FRMD4B: variants seen among roughly 807,000 people sequenced by gnomAD.
FRMD4B encodes FERM domain-containing protein 4B.
Under a neutral mutation model 141.5 loss-of-function variants are expected in FRMD4B, and 74 were observed. The ratio of observed to expected loss-of-function variants is 0.52; its 90% CI spans 0.43 to 0.63. FRMD4B has a LOEUF of 0.63. Ranked by LOEUF, FRMD4B falls within the 30% of genes least tolerant of loss-of-function variation. The pLI is 0.00. For missense variants in FRMD4B, 1,366 were observed against 1,253.4 expected, an observed-to-expected ratio of 1.09 and a Z score of -1.36; for synonymous variants, 506 against 467.9, an observed-to-expected ratio of 1.08 and a Z score of -1.05.
At chr3:69,499,171 G>C (rs968114378) in intron 1 of FRMD4B, among the ~76,000 whole-genome samples, 1 of 152,154 alleles carries the variant, frequency 6.6e-6, no homozygotes, top group Admixed American at 6.5e-5. Flanking sequence ...ACAGAAAACT[G>C]GTGTGGTGAG....
chr3:69,406,911 A>AT (rs67956877), intron 2 of FRMD4B, among the ~76,000 whole-genome samples: 109,080 of 135,152 alleles, frequency 0.81, 44,846 homozygotes, highest in South Asian at 0.93. Context: ...TTTAATTTTA[A>AT]TTTTTTTTTT....
chr3:69,439,441 G>C (rs1387061226), intron 1 of FRMD4B, among the ~76,000 whole-genome samples: 2 of 152,154 alleles, frequency 1.3e-5, no homozygotes, highest in Non-Finnish European at 2.9e-5. Context: ...AATCTCACCT[G>C]GGGTGGTCCA....
chr3:69,417,892 T>C (rs1704897011), intron 2 of FRMD4B, among the ~76,000 whole-genome samples: 1 of 152,190 alleles, frequency 6.6e-6, no homozygotes, highest in African/African-American at 2.4e-5. Flanking sequence ...TGGCTGCCAG[T>C]ATTGCTTGAC....
intron 7 of FRMD4B, among the ~76,000 whole-genome samples, chr3:69,228,007 GAAGA>G (rs2093270598): frequency 6.6e-6 from 1 of 152,334 alleles, no homozygotes; most frequent in East Asian, 1.9e-4. Context: ...TAAGAAAAAC[GAAGA>G]AAGAAATATA....
At position 69,263,209 on chromosome 3, in the gene FRMD4B, T is replaced by A. The variant is rs144943846; in HGVS notation, c.502-13110A>T. Among the ~76,000 whole-genome samples, 1,124 of 152,018 alleles carry A rather than the reference T, an allele frequency of 7.4e-3. 16 individuals are homozygous for A. Among genetic ancestry groups the A allele is most frequent in the African/African-American group, 0.026 (1,085 of 41,476 alleles). On this transcript the variant is annotated intron_variant, in intron 5 of 22. Transcript: ENST00000398540. The stretch of plus-strand genomic sequence containing the variant: ...GAGGTGGAGGTTGCAGTGAGCCGAG[T>A]TTGTGCCACTGCACTCCAACCTGGG...
At chr3:69,264,557 A>G (rs1246897250) in intron 5 of FRMD4B, among the ~76,000 whole-genome samples, 2 of 152,232 alleles carry the variant, frequency 1.3e-5, no homozygotes, top group African/African-American at 4.8e-5. Flanking sequence ...TTCACCATCT[A>G]TAAGAACTGT....
Position 69,502,874 on chromosome 3 carries a change from G to T in FRMD4B, c.-129+39332C>A, listed in dbSNP as rs199894727. 7.9e-5 allele frequency among the ~76,000 whole-genome samples: 12 copies of T among 152,112 alleles called. No homozygotes were observed. In the East Asian group the frequency reaches 2.1e-3, roughly 27 times the overall value. ...ACAACCCCATCAAAAAGTGGGCAAA[G>T]GATATGAACAGACACTTCTCAAGAG... On this transcript the variant is annotated intron_variant, in intron 1 of 5. Transcript: ENST00000459638.
At chr3:69,354,312 T>C (rs375501827) in intron 1 of FRMD4B, among the ~76,000 whole-genome samples, 29 of 152,196 alleles carry the variant, frequency 1.9e-4, no homozygotes, top group African/African-American at 7.0e-4. Flanking sequence ...GAGAAAAACA[T>C]ATAGAATACT....
In FRMD4B at chr3:69,306,579, A is replaced by G. The variant is rs369989794; in HGVS notation, c.324-4144T>C. On this transcript the variant is annotated intron_variant, in intron 3 of 22. Coordinates refer to ENST00000398540, the MANE Select transcript of FRMD4B (RefSeq NM_015123.3). ...TAGGGGTGAAAGACTAACTTTGCAC[A>G]CAGAGCTGCGCAAGGCCCTAACAAG... is the stretch of plus-strand genomic sequence containing the variant. 11 of 152,360 alleles carry G rather than the reference A, an allele frequency of 7.2e-5. No individual in the cohort carries two copies. The East Asian group carries it at 2.1e-3, about 29-fold the overall frequency. The allele number at this position is 152,360 out of a possible 1,614,324, so 9.4% of individuals were successfully genotyped here. A position where few individuals can be genotyped will look rare whatever the true frequency, so the allele number is the denominator to read the frequency against.
intron 2 of FRMD4B, among the ~76,000 whole-genome samples, chr3:69,393,958 G>A (rs1704432422): frequency 6.6e-6 from 1 of 152,138 alleles, no homozygotes; most frequent in Non-Finnish European, 1.5e-5. Flanking sequence ...TAATTTTTCA[G>A]TCCTTTAATT....
intron 2 of FRMD4B, among the ~76,000 whole-genome samples, chr3:69,427,657 T>G (rs1415033760): frequency 4.0e-5 from 5 of 126,164 alleles, no homozygotes; most frequent in Admixed American, 1.6e-4. Context: ...TTTTTTTTTT[T>G]TTTTTTTTTT....
At chr3:69,383,265 C>CT (rs1704164439) in intron 1 of FRMD4B, among the ~76,000 whole-genome samples, 1 of 152,200 alleles carries the variant, frequency 6.6e-6, no homozygotes, top group African/African-American at 2.4e-5. Flanking sequence ...TAAGTCACTA[C>CT]TTTTTCACTT....
chr3:69,329,174 A>C (rs1371472748), intron 1 of FRMD4B, among the ~76,000 whole-genome samples: 1 of 152,148 alleles, frequency 6.6e-6, no homozygotes, highest in Non-Finnish European at 1.5e-5. Flanking sequence ...AAGATGAACA[A>C]ACAGAGGCTT....
chr3:69,382,287 G>A (rs1336629348), intron 1 of FRMD4B, among the ~76,000 whole-genome samples: 1 of 152,138 alleles, frequency 6.6e-6, no homozygotes, highest in Non-Finnish European at 1.5e-5. Flanking sequence ...TGATCCACTC[G>A]CCTCAGCCTC....
At chr3:69,442,995 T>A (rs151189821) in intron 1 of FRMD4B, among the ~76,000 whole-genome samples, 1 of 152,310 alleles carries the variant, frequency 6.6e-6, no homozygotes, top group Non-Finnish European at 1.5e-5. Context: ...GAGAGAAGCA[T>A]CTTTTGTTAC....
At chr3:69,354,632 T>G (rs774705956) in intron 1 of FRMD4B, among the ~76,000 whole-genome samples, 3 of 152,050 alleles carry the variant, frequency 2.0e-5, no homozygotes, top group Non-Finnish European at 4.4e-5. Context: ...TTAAAAGAGA[T>G]AGTTCATGCA....
intron 1 of FRMD4B, among the ~76,000 whole-genome samples, chr3:69,317,626 G>A (rs1381387316): frequency 1.3e-5 from 2 of 151,794 alleles, no homozygotes; most frequent in African/African-American, 4.8e-5. Context: ...GTGGTGGTGT[G>A]CATCTGTAAT....
intron 1 of FRMD4B, among the ~76,000 whole-genome samples, chr3:69,477,739 C>T (rs983654408): frequency 1.3e-5 from 2 of 150,266 alleles, no homozygotes; most frequent in African/African-American, 2.5e-5. Flanking sequence ...AGGGAGGATT[C>T]CCTCTTTTTC....
At chr3:69,318,275 G>A (rs1018112061) in intron 1 of FRMD4B, among the ~76,000 whole-genome samples, 1 of 152,102 alleles carries the variant, frequency 6.6e-6, no homozygotes, top group East Asian at 1.9e-4. Flanking sequence ...GTACCCAGCC[G>A]GATTCTGCTT....
Sources: allele counts gnomAD v4.1 joint callset (sites outside exome capture counted in the v4.1 genomes callset), GRCh38; gene constraint gnomAD v4.1.1; transcripts MANE v1.5; gene names NCBI Gene and HGNC (gene_info 2026-07-23, HGNC 2026-07-21).